KPNA4: variants seen among roughly 807,000 people sequenced by gnomAD.
The protein encoded by KPNA4 is karyopherin subunit alpha 4.
Under a neutral mutation model 71.3 loss-of-function variants are expected in KPNA4, and 13 were observed. The ratio of observed to expected loss-of-function variants is 0.18; its 90% CI spans 0.12 to 0.29. The LOEUF (loss-of-function observed/expected upper bound fraction) is 0.29. Among genes scored for constraint, KPNA4 ranks in the 10% least tolerant of loss-of-function variants. The pLI is 1.00. For synonymous variants in KPNA4, 189 were observed against 195.2 expected, an observed-to-expected ratio of 0.97 and a Z score of 0.26; for missense variants, 334 against 603.2, an observed-to-expected ratio of 0.55 and a Z score of 4.67.
intron 7 of KPNA4, among the ~76,000 whole-genome samples, chr3:160,528,338 G>T (rs919065439): frequency 2.7e-5 from 4 of 147,686 alleles, no homozygotes; most frequent in African/African-American, 7.4e-5. Context: ...TCTGTAGTTT[G>T]AAAAAAAAAA....
At chr3:160,528,154 A>C in intron 7 of KPNA4, 115 bp from the exon 8 acceptor site, 1 of 629,072 alleles carries the variant, frequency 1.6e-6, no homozygotes, top group Non-Finnish European at 2.7e-6. Flanking sequence ...ATATACTTAA[A>C]ATATAACCTC....
intron 1 of KPNA4, among the ~76,000 whole-genome samples, chr3:160,552,397 T>C (rs915477968): frequency 1.3e-5 from 2 of 152,272 alleles, no homozygotes; most frequent in Admixed American, 6.5e-5. Flanking sequence ...AGTTACTAAT[T>C]CTAATCAGAG....
At chr3:160,538,279 T>C (rs1298848582) in intron 1 of KPNA4, among the ~76,000 whole-genome samples, 1 of 152,048 alleles carries the variant, frequency 6.6e-6, no homozygotes. Context: ...GCTTCTTTAT[T>C]ATCACATTAA....
chr3:160,504,252 T>C (rs903376748), intron 16 of KPNA4, among the ~76,000 whole-genome samples: 2 of 152,188 alleles, frequency 1.3e-5, no homozygotes, highest in African/African-American at 4.8e-5. Flanking sequence ...AAATGTTTAA[T>C]AACATTCTAT....
intron 2 of KPNA4, among the ~76,000 whole-genome samples, chr3:160,536,560 G>A (rs1721698377): frequency 6.6e-6 from 1 of 151,948 alleles, no homozygotes; most frequent in Admixed American, 6.6e-5. Flanking sequence ...GTAACTAGTT[G>A]TATCCTTTCA....
chr3:160,558,430 T>A (rs1290666212), intron 1 of KPNA4, among the ~76,000 whole-genome samples: 1 of 152,234 alleles, frequency 6.6e-6, no homozygotes, highest in Non-Finnish European at 1.5e-5. Flanking sequence ...TTCCATTTAC[T>A]CTGCATGTAC....
At chr3:160,565,073 C>G in intron 1 of KPNA4, 141 bp downstream of exon 1, 2 of 660,794 alleles carry the variant, frequency 3.0e-6, no homozygotes, top group Non-Finnish European at 5.3e-6. Context: ...CTAGCAGAGG[C>G]GTCACAGACG....
intron 9 of KPNA4, 40 bp downstream of exon 9, chr3:160,525,898 A>G (rs755563304): frequency 1.3e-6 from 2 of 1,531,098 alleles, no homozygotes; most frequent in Non-Finnish European, 1.8e-6. Context: ...AAATATATAT[A>G]TAATGGTATC....
At chr3:160,536,286 T>G (rs1721692028) in intron 2 of KPNA4, among the ~76,000 whole-genome samples, 1 of 152,062 alleles carries the variant, frequency 6.6e-6, no homozygotes, top group Non-Finnish European at 1.5e-5. Flanking sequence ...AAAAGCAAAG[T>G]CAAAGCAGAA....
chr3:160,563,518 C>T (rs1722284372), intron 1 of KPNA4, among the ~76,000 whole-genome samples: 2 of 152,044 alleles, frequency 1.3e-5, no homozygotes, highest in Admixed American at 6.6e-5. Flanking sequence ...GTATGGCATG[C>T]GAATTACATC....
chr3:160,558,451 G>C (rs181031204), intron 1 of KPNA4, among the ~76,000 whole-genome samples: 1 of 152,268 alleles, frequency 6.6e-6, no homozygotes, highest in African/African-American at 2.4e-5. Context: ...TTTATGCTAG[G>C]CATTGTTAAA....
At position 160,512,817 on chromosome 3, in the gene KPNA4, G is replaced by A. The variant is rs532426253; in HGVS notation, c.1137+1260C>T. 2.6e-5 allele frequency among the ~76,000 whole-genome samples: 4 copies of A among 151,796 alleles called. No homozygotes were observed. The East Asian group carries it at 7.7e-4, about 29-fold the overall frequency. ...ACTGCACTCTAGCCTGGGTGACAGC[G>A]AGACCGTCTAAAAAAAAACAACAAA... On this transcript the variant is annotated intron_variant, in intron 13 of 16. Transcript: ENST00000334256.
rs377673077 is a variant in KPNA4, at chr3:160,530,276, T to C, written c.469+579A>G. On this transcript the variant is annotated intron_variant, in intron 7 of 16. Transcript: ENST00000334256. ...TTGAGCCCAGAGTTAGAGACCAGCCTGGGCAACATGGTGAAACCCTGTCTC... is the reference window on the plus strand; with the variant it reads ...TTGAGCCCAGAGTTAGAGACCAGCCCGGGCAACATGGTGAAACCCTGTCTC... Among the ~76,000 whole-genome samples the C allele has an allele frequency of 3.2e-4, 48 of 152,042 alleles. No homozygotes were observed. The East Asian group carries it at 6.6e-3, about 21-fold the overall frequency.
rs1720898476 is a variant in KPNA4 at position 160,502,217 on chromosome 3, A to AG, written c.1468-16dup. 3 of 1,401,024 alleles carry AG rather than the reference A, an allele frequency of 2.1e-6. No homozygotes were observed. In the African/African-American group the frequency reaches 4.3e-5, roughly 20 times the overall value. 86.8% of individuals were successfully genotyped at this position (1,401,024 alleles called of 1,614,324 possible). A position where few individuals can be genotyped will look rare whatever the true frequency, so the allele number is the denominator to read the frequency against. On this transcript the variant is annotated splice_polypyrimidine_tract_variant and intron_variant, in intron 16 of 16. Coordinates refer to ENST00000334256, the MANE Select transcript of KPNA4 (RefSeq NM_002268.5). The stretch of plus-strand genomic sequence containing the variant: ...TCTTCATCAATCTAGGTGAAAAAAA[A>AG]GAAAAAGAATGTGATAATTAGTTTT...
chr3:160,507,310 C>T (rs957773919), intron 15 of KPNA4, among the ~76,000 whole-genome samples: 1 of 151,948 alleles, frequency 6.6e-6, no homozygotes, highest in African/African-American at 2.4e-5. Flanking sequence ...AGCAGCCTGA[C>T]CAACATGATG....
intron 10 of KPNA4, among the ~76,000 whole-genome samples, chr3:160,522,519 G>A (rs1421555134): frequency 6.6e-6 from 1 of 151,792 alleles, no homozygotes; most frequent in Non-Finnish European, 1.5e-5. Context: ...GTGCAGCAGC[G>A]CGATCTCGGT....
At chr3:160,515,681 C>CACTG in intron 11 of KPNA4, 101 bp from the exon 12 acceptor site, 1 of 1,298,006 alleles carries the variant, frequency 7.7e-7, no homozygotes, top group South Asian at 1.4e-5. Flanking sequence ...GTGGTGCGAT[C>CACTG]TCAGCTCACT....
At chr3:160,538,019 T>G (rs1309840581) in intron 1 of KPNA4, among the ~76,000 whole-genome samples, 2 of 151,884 alleles carry the variant, frequency 1.3e-5, no homozygotes, top group East Asian at 3.9e-4. Context: ...GAAGTCTTAA[T>G]TTTTATGTGC....
intron 10 of KPNA4, among the ~76,000 whole-genome samples, chr3:160,522,583 G>A (rs1037573841): frequency 7.2e-5 from 11 of 151,936 alleles, no homozygotes; most frequent in African/African-American, 2.7e-4. Flanking sequence ...TCAGCCTCCC[G>A]AGTAGCTGGG....
Sources: gnomAD v4.1 joint callset for allele counts (sites outside exome capture counted in the v4.1 genomes callset) on GRCh38, gnomAD v4.1.1 for gene constraint, MANE v1.5 for transcripts, NCBI Gene and HGNC (gene_info 2026-07-23, HGNC 2026-07-21) for gene names.